ADCY2: variants seen among roughly 807,000 people sequenced by gnomAD.
ADCY2 encodes the protein adenylate cyclase type 2.
Under a neutral mutation model 125.2 loss-of-function variants are expected in ADCY2, and 31 were observed. The ratio of observed to expected loss-of-function variants is 0.25; its 90% CI spans 0.19 to 0.33. The LOEUF (loss-of-function observed/expected upper bound fraction) is 0.33, where lower values mean the gene tolerates loss of function less well. Ranked by LOEUF, ADCY2 falls within the 10% of genes least tolerant of loss-of-function variation. The pLI is 1.00. For missense variants in ADCY2, 904 were observed against 1,418.2 expected (o/e 0.64, Z 5.82); for synonymous variants, 512 against 548.4 (o/e 0.93, Z 0.93).
intron 18 of ADCY2, among the ~76,000 whole-genome samples, chr5:7,782,500 A>G (rs1016908033): frequency 1.4e-4 from 22 of 152,200 alleles, no homozygotes; most frequent in Admixed American, 1.1e-3. Flanking sequence ...TAGAAATGCA[A>G]AGGGGACTTG....
chr5:7,452,822 G>A (rs889179091), intron 2 of ADCY2, among the ~76,000 whole-genome samples: 1 of 152,016 alleles, frequency 6.6e-6, no homozygotes, highest in Admixed American at 6.5e-5. Context: ...ATCTCATTGT[G>A]GCTTTAATTT....
chr5:7,465,240 G>A (rs1349843847), intron 2 of ADCY2, among the ~76,000 whole-genome samples: 2 of 152,140 alleles, frequency 1.3e-5, no homozygotes, highest in East Asian at 1.9e-4. Flanking sequence ...CTTTCATATG[G>A]TCTCCTTCAT....
At chr5:7,757,911 G>C (rs999800434) in intron 16 of ADCY2, among the ~76,000 whole-genome samples, 1 of 152,172 alleles carries the variant, frequency 6.6e-6, no homozygotes, top group African/African-American at 2.4e-5. Context: ...TTGAGAGACT[G>C]GGTGACTCCT....
chr5:7,559,442 G>C (rs1735636810), intron 3 of ADCY2, among the ~76,000 whole-genome samples: 1 of 152,116 alleles, frequency 6.6e-6, no homozygotes. Flanking sequence ...TGGCAATTGT[G>C]AATGGGAGTT....
chr5:7,810,676 G>C (rs778110704), intron 22 of ADCY2, among the ~76,000 whole-genome samples: 23 of 152,070 alleles, frequency 1.5e-4, no homozygotes, highest in Non-Finnish European at 5.9e-5. Flanking sequence ...TGGGTTATCT[G>C]TTTGATTGGT....
At position 7,802,897 on chromosome 5, in the gene ADCY2, G is replaced by T. The variant is rs1234536300; in HGVS notation, c.2775+533G>T. On this transcript the variant is annotated intron_variant, in intron 21 of 24. Coordinates refer to ENST00000338316, the MANE Select transcript of ADCY2 (RefSeq NM_020546.3). The surrounding 1 kb of genome is among the most constrained non-coding windows in gnomAD (Gnocchi z 4.6). ...CAACTTTCTACATAGAGAATAGTGT[G>T]TTCTATTTCCCAGTAAGAACAAACG... Among the ~76,000 whole-genome samples the T allele has an allele frequency of 6.6e-6, 1 of 152,182 alleles. No homozygotes were observed. Among genetic ancestry groups the T allele is most frequent in the Non-Finnish European group, 1.5e-5 (1 of 68,022 alleles).
chr5:7,724,972 T>C (rs995393182), intron 13 of ADCY2, among the ~76,000 whole-genome samples: 2 of 152,228 alleles, frequency 1.3e-5, no homozygotes. Context: ...AAATCTGCAA[T>C]GTCTTTACAC....
At chr5:7,556,393 T>C (rs1735507153) in intron 3 of ADCY2, among the ~76,000 whole-genome samples, 1 of 152,208 alleles carries the variant, frequency 6.6e-6, no homozygotes, top group Non-Finnish European at 1.5e-5. Flanking sequence ...AATGAATGAA[T>C]GAACAGTAAA....
At chr5:7,576,280 C>T (rs980011352) in intron 3 of ADCY2, among the ~76,000 whole-genome samples, 8 of 152,198 alleles carry the variant, frequency 5.3e-5, no homozygotes, top group African/African-American at 1.9e-4. Flanking sequence ...TTTATGACTC[C>T]TTGGGGGAGG....
At chr5:7,589,516 A>AAAGAAAGAAAAAG (rs1313792543) in intron 3 of ADCY2, among the ~76,000 whole-genome samples, 1 of 103,244 alleles carries the variant, frequency 9.7e-6, no homozygotes, top group Non-Finnish European at 2.2e-5. Context: ...GAAAGAAAAG[A>AAAGAAAGAAAAAG]AAAGAAAGAG....
At chr5:7,585,904 G>C (rs77150047) in intron 3 of ADCY2, among the ~76,000 whole-genome samples, 1 of 152,158 alleles carries the variant, frequency 6.6e-6, no homozygotes, top group Non-Finnish European at 1.5e-5. Flanking sequence ...ATCATTTCGC[G>C]ATTTGTATGT....
intron 3 of ADCY2, among the ~76,000 whole-genome samples, chr5:7,565,129 C>T (rs1452331579): frequency 4.6e-5 from 7 of 152,334 alleles, no homozygotes; most frequent in Admixed American, 1.3e-4. Flanking sequence ...GCCCTCATGC[C>T]GGTGGCCCAG....
intron 7 of ADCY2, among the ~76,000 whole-genome samples, chr5:7,699,534 T>C (rs1290320137): frequency 6.6e-6 from 1 of 152,188 alleles, no homozygotes; most frequent in African/African-American, 2.4e-5. Flanking sequence ...TTTATTGGGA[T>C]GTGAGTAATG....
chr5:7,657,494 T>C (rs867806191), intron 4 of ADCY2, among the ~76,000 whole-genome samples: 1 of 152,204 alleles, frequency 6.6e-6, no homozygotes, highest in Non-Finnish European at 1.5e-5. Flanking sequence ...GGGTTAAATA[T>C]GTCACAGTGG....
intron 4 of ADCY2, among the ~76,000 whole-genome samples, chr5:7,681,518 C>T (rs1010431914): frequency 1.3e-5 from 2 of 152,164 alleles, no homozygotes; most frequent in Non-Finnish European, 2.9e-5. Flanking sequence ...GTGACCGCTT[C>T]AGGATTCAGT....
At chr5:7,571,126 C>T (rs1441088383) in intron 3 of ADCY2, among the ~76,000 whole-genome samples, 1 of 152,068 alleles carries the variant, frequency 6.6e-6, no homozygotes, top group African/African-American at 2.4e-5. Context: ...CCAATAGGTT[C>T]TCCAGATAAA....
intron 12 of ADCY2, among the ~76,000 whole-genome samples, chr5:7,717,629 C>G (rs572825444): frequency 6.6e-6 from 1 of 152,212 alleles, no homozygotes; most frequent in South Asian, 2.1e-4. Flanking sequence ...GTTGAGATAC[C>G]TGTGTTCTAA....
chr5:7,482,848 G>T (rs1742789972), intron 2 of ADCY2, among the ~76,000 whole-genome samples: 1 of 148,964 alleles, frequency 6.7e-6, no homozygotes, highest in Admixed American at 6.8e-5. Flanking sequence ...CAGTCATAAA[G>T]ATAATTAAAT....
At chr5:7,682,270 A>G (rs1437879320) in intron 4 of ADCY2, among the ~76,000 whole-genome samples, 1 of 152,164 alleles carries the variant, frequency 6.6e-6, no homozygotes, top group Non-Finnish European at 1.5e-5. Context: ...TCGCCTGGGA[A>G]TAATAGGAGA....
Sources: gnomAD v4.1 joint callset for allele counts (sites outside exome capture counted in the v4.1 genomes callset) on GRCh38, gnomAD v4.1.1 for gene constraint, Gnocchi (gnomAD v3.1) non-coding constraint, MANE v1.5 for transcripts, NCBI Gene and HGNC (gene_info 2026-07-23, HGNC 2026-07-21) for gene names.